CALN1: variants seen among roughly 807,000 people sequenced by gnomAD.
CALN1 encodes the protein calcium-binding protein 8.
Under a neutral mutation model 30.6 loss-of-function variants are expected in CALN1, and 17 were observed. The ratio of observed to expected loss-of-function variants is 0.56; its 90% confidence interval spans 0.38 to 0.83. CALN1 has a LOEUF of 0.83. CALN1 is among the 40% of genes least tolerant of loss of function. The probability of loss-of-function intolerance (pLI) is 0.00; values close to 1 mark genes in which losing one functional copy is unlikely to be tolerated. For missense variants in CALN1, 291 were observed against 354.9 expected, an observed-to-expected ratio of 0.82 and a Z score of 1.45; for synonymous variants, 156 against 131.4, an observed-to-expected ratio of 1.19 and a Z score of -1.28.
chr7:72,190,563 A>C (rs1382957491), intron 3 of CALN1, among the ~76,000 whole-genome samples: 1 of 152,214 alleles, frequency 6.6e-6, no homozygotes. Flanking sequence ...TTAATACAAA[A>C]GTGAGTCTTA....
intron 3 of CALN1, among the ~76,000 whole-genome samples, chr7:72,262,749 G>A (rs1796350551): frequency 6.6e-6 from 1 of 152,070 alleles, no homozygotes; most frequent in African/African-American, 2.4e-5. Context: ...AGAGGATCCT[G>A]GTTCTATCCC....
At chr7:72,088,174 C>G (rs1486609530) in intron 4 of CALN1, among the ~76,000 whole-genome samples, 1 of 151,912 alleles carries the variant, frequency 6.6e-6, no homozygotes, top group African/African-American at 2.4e-5. Flanking sequence ...TCTCTAAAAA[C>G]TGAGAGTGTG....
chr7:72,403,476 C>G, intron 1 of CALN1, 34 bp from the exon 2 acceptor site: 1 of 781,362 alleles, frequency 1.3e-6, no homozygotes, highest in Non-Finnish European at 2.0e-6. Context: ...ACAGCCTGCA[C>G]AGTGCTGGGC....
intron 1 of CALN1, among the ~76,000 whole-genome samples, chr7:72,431,650 G>T (rs1422925237): frequency 6.6e-6 from 1 of 152,118 alleles, no homozygotes; most frequent in Non-Finnish European, 1.5e-5. Flanking sequence ...ACCAGCCTGG[G>T]TAGCACAGTG....
chr7:71,798,055 G>GAGAGAC (rs1321447675), intron 6 of CALN1, among the ~76,000 whole-genome samples: 4 of 149,832 alleles, frequency 2.7e-5, no homozygotes, highest in Non-Finnish European at 5.9e-5. Context: ...AGGCAAGAGA[G>GAGAGAC]AGAGACAGAG....
chr7:72,121,513 C>T (rs1408797371), intron 3 of CALN1, among the ~76,000 whole-genome samples: 2 of 147,358 alleles, frequency 1.4e-5, no homozygotes, highest in Non-Finnish European at 3.0e-5. Context: ...AATCAAAAAT[C>T]AACACGGACA....
chr7:71,925,846 G>T (rs754293641), intron 5 of CALN1, among the ~76,000 whole-genome samples: 3 of 152,024 alleles, frequency 2.0e-5, no homozygotes, highest in Admixed American at 2.0e-4. Flanking sequence ...TCCAAGAGGG[G>T]TCAGTGGTGC....
At chr7:72,405,169 G>A (rs1316182814) in intron 1 of CALN1, among the ~76,000 whole-genome samples, 3 of 152,158 alleles carry the variant, frequency 2.0e-5, no homozygotes, top group Non-Finnish European at 2.9e-5. Flanking sequence ...CTTCCCAAGG[G>A]TTGGGATCTC....
intron 5 of CALN1, among the ~76,000 whole-genome samples, chr7:71,818,200 G>A (rs1426631785): frequency 2.0e-5 from 3 of 151,988 alleles, no homozygotes; most frequent in Non-Finnish European, 4.4e-5. Flanking sequence ...GGTGAAGGGT[G>A]GGTCAGAGGG....
intron 6 of CALN1, among the ~76,000 whole-genome samples, chr7:71,795,121 A>G (rs1174645064): frequency 6.6e-6 from 1 of 152,040 alleles, no homozygotes; most frequent in East Asian, 1.9e-4. Context: ...CTCCCTAGCA[A>G]TTCTCCTGCC....
rs148699229 is a variant in CALN1 at position 71,845,688 on chromosome 7, A to C, written c.502-35196T>G. 2.6e-4 allele frequency among the ~76,000 whole-genome samples: 39 copies of C among 152,292 alleles called. 1 individual carries two copies. The East Asian group carries it at 6.6e-3, about 26-fold the overall frequency. The stretch of plus-strand genomic sequence containing the variant: ...CCCCGTCCAGAGACTCTGGGGTGGC[A>C]TCCAGCACCCAGAATTCAGCTGATT... On this transcript the variant is annotated intron_variant, in intron 5 of 6. Coordinates refer to ENST00000395275, the MANE Select transcript of CALN1 (RefSeq NM_031468.4).
At chr7:71,958,701 G>A (rs1393251662) in intron 5 of CALN1, among the ~76,000 whole-genome samples, 3 of 152,198 alleles carry the variant, frequency 2.0e-5, no homozygotes, top group East Asian at 1.9e-4. Flanking sequence ...GACAACTTGC[G>A]TTGCCATCCT....
At chr7:72,226,033 T>C (rs1447269642) in intron 3 of CALN1, among the ~76,000 whole-genome samples, 1 of 149,442 alleles carries the variant, frequency 6.7e-6, no homozygotes, top group African/African-American at 2.5e-5. Flanking sequence ...GAGGCAGGGG[T>C]TGCAGTGAGC....
intron 5 of CALN1, among the ~76,000 whole-genome samples, chr7:71,940,561 T>C (rs938610348): frequency 6.6e-6 from 1 of 152,202 alleles, no homozygotes; most frequent in Admixed American, 6.5e-5. Flanking sequence ...ACAGCTGTTC[T>C]GTTGTTTGCT....
chr7:72,187,133 G>A (rs1446045983), intron 3 of CALN1, among the ~76,000 whole-genome samples: 1 of 151,954 alleles, frequency 6.6e-6, no homozygotes, highest in Non-Finnish European at 1.5e-5. Context: ...TATTATTATT[G>A]TAACCATTAC....
At chr7:72,204,124 G>C (rs1310413062) in intron 3 of CALN1, among the ~76,000 whole-genome samples, 1 of 150,552 alleles carries the variant, frequency 6.6e-6, no homozygotes, top group East Asian at 2.0e-4. Context: ...CAGTAGCTGG[G>C]ACTACAGGCA....
intron 3 of CALN1, among the ~76,000 whole-genome samples, chr7:72,247,082 CACAG>C (rs1372484572): frequency 2.0e-5 from 3 of 151,296 alleles, no homozygotes; most frequent in Non-Finnish European, 4.4e-5. Flanking sequence ...TTTATATAAT[CACAG>C]ACAGCCCAGT....
rs140718059 is a variant in CALN1 at position 71,883,239 on chromosome 7, A to G, written c.502-72747T>C. ...TATCCAGAAGAGTTTGTGGCACAAA[A>G]TAAGTACTCAGAAGTATTTGGTGCT... On this transcript the variant is annotated intron_variant, in intron 5 of 6. Coordinates refer to ENST00000395275, the MANE Select transcript of CALN1 (RefSeq NM_031468.4). Among the ~76,000 whole-genome samples the G allele has an allele frequency of 1.0e-3, 152 of 152,272 alleles. No individual in the cohort carries two copies. The Middle Eastern group carries it at 0.01, about 10-fold the overall frequency.
At chr7:71,835,873 T>C (rs118104754) in intron 5 of CALN1, among the ~76,000 whole-genome samples, 42 of 152,308 alleles carry the variant, frequency 2.8e-4, no homozygotes, top group Non-Finnish European at 5.6e-4. Context: ...TCATTATATG[T>C]GGGGACAGCT....
Sources: allele counts gnomAD v4.1 joint callset (sites outside exome capture counted in the v4.1 genomes callset), GRCh38; gene constraint gnomAD v4.1.1; transcripts MANE v1.5; gene names NCBI Gene and HGNC (gene_info 2026-07-23, HGNC 2026-07-21).